The following STK32B variants were observed in gnomAD, a reference collection of about 807,000 sequenced individuals.
STK32B encodes serine/threonine-protein kinase 32B.
STK32B carries 43 observed loss-of-function variants against 52.6 expected under a neutral mutation model. That is an observed-to-expected ratio of 0.82 (90% CI 0.64 to 1.05). The LOEUF (loss-of-function observed/expected upper bound fraction) is 1.05, where lower values mean the gene tolerates loss of function less well. STK32B is among the 50% of genes least tolerant of loss of function. The pLI is 0.00. For missense variants in STK32B, 621 were observed against 534.6 expected, an observed-to-expected ratio of 1.16 and a Z score of -1.59; for synonymous variants, 238 against 204.3, an observed-to-expected ratio of 1.17 and a Z score of -1.41.
At chr4:5,440,143 AG>A (rs1714576142) in intron 6 of STK32B, among the ~76,000 whole-genome samples, 1 of 152,172 alleles carries the variant, frequency 6.6e-6, no homozygotes, top group Admixed American at 6.5e-5. Flanking sequence ...CTGTGAAGAA[AG>A]TCTTTGGTAG....
intron 1 of STK32B, among the ~76,000 whole-genome samples, chr4:5,132,834 C>G (rs1051541673): frequency 2.0e-5 from 3 of 151,290 alleles, no homozygotes; most frequent in Non-Finnish European, 4.4e-5. Context: ...TGCTCTGTTA[C>G]CCAGGCTGGA....
the STK32B span, among the ~76,000 whole-genome samples, chr4:5,024,267 G>A: frequency 6.6e-6 from 1 of 152,198 alleles, no homozygotes; most frequent in Admixed American, 6.5e-5. Flanking sequence ...GATACTCTGG[G>A]TAGGCCTGAT....
At chr4:5,482,860 T>G (rs376184524) in intron 11 of STK32B, among the ~76,000 whole-genome samples, 1 of 152,204 alleles carries the variant, frequency 6.6e-6, no homozygotes. Flanking sequence ...GGTTTTTGTC[T>G]TTGGTTCTGT....
chr4:5,033,460 T>A, the STK32B span, among the ~76,000 whole-genome samples: 1 of 152,172 alleles, frequency 6.6e-6, no homozygotes, highest in Non-Finnish European at 1.5e-5. Context: ...GGGCAGGAAG[T>A]GGGTGAGAAC....
chr4:5,418,403 A>G (rs1204317555), intron 6 of STK32B, among the ~76,000 whole-genome samples: 4 of 152,250 alleles, frequency 2.6e-5, no homozygotes. Flanking sequence ...ACCATTGCAA[A>G]TGATATAAGA....
At chr4:5,089,396 C>T (rs1712925094) in intron 1 of STK32B, among the ~76,000 whole-genome samples, 1 of 152,102 alleles carries the variant, frequency 6.6e-6, no homozygotes, top group African/African-American at 2.4e-5. Flanking sequence ...TCCATATATT[C>T]TCATTGTTCA....
chr4:5,294,195 GTA>G (rs1456415454), intron 3 of STK32B, among the ~76,000 whole-genome samples: 2 of 152,136 alleles, frequency 1.3e-5, no homozygotes, highest in Non-Finnish European at 2.9e-5. Flanking sequence ...CTGTAGCCTT[GTA>G]GTATAGTTTG....
chr4:5,464,084 G>A (rs992465792), intron 9 of STK32B, among the ~76,000 whole-genome samples: 2 of 152,136 alleles, frequency 1.3e-5, no homozygotes, highest in African/African-American at 2.4e-5. Context: ...GGTGTGTCAC[G>A]TGGCAGGAGC....
chr4:5,402,641 C>T (rs1737380578), intron 5 of STK32B, among the ~76,000 whole-genome samples: 1 of 152,166 alleles, frequency 6.6e-6, no homozygotes, highest in Non-Finnish European at 1.5e-5. Flanking sequence ...GTCCTAAGAC[C>T]CCACCTTGAG....
intron 3 of STK32B, among the ~76,000 whole-genome samples, chr4:5,189,170 G>C (rs1450540735): frequency 6.6e-6 from 1 of 152,054 alleles, no homozygotes; most frequent in Non-Finnish European, 1.5e-5. Flanking sequence ...CTATCACCCA[G>C]GATCCATGGT....
chr4:5,171,632 A>G (rs1195544811), intron 3 of STK32B, among the ~76,000 whole-genome samples: 1 of 149,456 alleles, frequency 6.7e-6, no homozygotes, highest in African/African-American at 2.4e-5. Flanking sequence ...ACATGGCATT[A>G]TTTCTGAGGG....
chr4:5,101,834 T>C (rs1713804088), intron 1 of STK32B, among the ~76,000 whole-genome samples: 1 of 152,204 alleles, frequency 6.6e-6, no homozygotes, highest in Non-Finnish European at 1.5e-5. Flanking sequence ...AAATTCAGTT[T>C]TGTAAATATG....
intron 3 of STK32B, among the ~76,000 whole-genome samples, chr4:5,319,013 C>T (rs970980406): frequency 3.9e-5 from 6 of 151,962 alleles, no homozygotes; most frequent in Non-Finnish European, 7.4e-5. Flanking sequence ...ACTGTGTTTG[C>T]GAGGATGGTC....
chr4:5,368,956 C>T (rs1237449474), intron 4 of STK32B, among the ~76,000 whole-genome samples: 1 of 152,114 alleles, frequency 6.6e-6, no homozygotes, highest in Admixed American at 6.5e-5. Flanking sequence ...AGCTGTCCTT[C>T]CCATGGTCTG....
intron 1 of STK32B, among the ~76,000 whole-genome samples, chr4:5,132,105 T>G (rs1715812268): frequency 6.6e-6 from 1 of 152,236 alleles, no homozygotes; most frequent in African/African-American, 2.4e-5. Flanking sequence ...GAACATGATC[T>G]TCCTCTTTTT....
chr4:5,056,082 T>G (rs1741994790), intron 1 of STK32B, among the ~76,000 whole-genome samples: 1 of 152,058 alleles, frequency 6.6e-6, no homozygotes, highest in African/African-American at 2.4e-5. Flanking sequence ...GAGTTCTGCC[T>G]CCTGTCAGAT....
rs187168409 is a variant in STK32B, at chr4:5,482,605, C to G, written c.1106+14535C>G. 7.1e-3 allele frequency among the ~76,000 whole-genome samples: 1,082 copies of G among 152,274 alleles called. 14 individuals carry two copies. Among genetic ancestry groups the G allele is most frequent in the African/African-American group, 0.024 (1,012 of 41,532 alleles). On this transcript the variant is annotated intron_variant, in intron 11 of 11. Transcript: ENST00000282908. The stretch of plus-strand genomic sequence containing the variant: ...CTTTATCCTGCCTGATTGCCCTGGC[C>G]AGAACTTCCAACACTATATTGAATA...
At chr4:5,035,147 C>T in the STK32B span, among the ~76,000 whole-genome samples, 4 of 152,156 alleles carry the variant, frequency 2.6e-5, no homozygotes, top group Non-Finnish European at 2.9e-5. Flanking sequence ...TTCAGAACCA[C>T]GTTGCTTCAT....
intron 11 of STK32B, among the ~76,000 whole-genome samples, chr4:5,489,853 T>G (rs1719561583): frequency 6.6e-6 from 1 of 152,152 alleles, no homozygotes; most frequent in African/African-American, 2.4e-5. Flanking sequence ...TACAATTTCT[T>G]AAGAGATTTC....
Sources: gnomAD v4.1 joint callset for allele counts (sites outside exome capture counted in the v4.1 genomes callset) on GRCh38, gnomAD v4.1.1 for gene constraint, MANE v1.5 for transcripts, NCBI Gene and HGNC (gene_info 2026-07-23, HGNC 2026-07-21) for gene names.